The following ADGRL3 variants were observed in gnomAD, a reference collection of about 807,000 sequenced individuals.
The protein encoded by ADGRL3 is calcium-independent alpha-latrotoxin receptor 3.
A neutral mutation model predicts 153.5 loss-of-function variants in ADGRL3; 62 were observed. The observed-to-expected ratio is 0.40, with a 90% CI of 0.33 to 0.50. The LOEUF is 0.50. Among genes scored for constraint, ADGRL3 ranks in the 20% least tolerant of loss-of-function variants. The probability of loss-of-function intolerance (pLI) is 0.47; values close to 1 mark genes in which losing one functional copy is unlikely to be tolerated. For synonymous variants in ADGRL3, 710 were observed against 672.5 expected (o/e 1.06, Z -0.86); for missense variants, 1,641 against 1,859.4 (o/e 0.88, Z 2.16).
chr4:61,329,041 A>G (rs2095519729), intron 1 of ADGRL3, among the ~76,000 whole-genome samples: 1 of 152,188 alleles, frequency 6.6e-6, no homozygotes, highest in Non-Finnish European at 1.5e-5. Context: ...GATGTGTGCC[A>G]TAAGGAATTA....
chr4:61,442,861 C>G (rs1000427631), intron 2 of ADGRL3, among the ~76,000 whole-genome samples: 1 of 151,956 alleles, frequency 6.6e-6, no homozygotes, highest in Non-Finnish European at 1.5e-5. Context: ...ATAGTTTTTC[C>G]TTTCCAAGCA....
chr4:61,678,198 T>C lies in ADGRL3; in HGVS notation c.583+1263T>C, dbSNP rs557191333. Among the ~76,000 whole-genome samples the C allele has an allele frequency of 2.6e-5, 4 of 152,114 alleles. No homozygotes were observed. In the East Asian group the frequency reaches 7.7e-4, roughly 29 times the overall value. ...ATAAAATTTGTAAACCATCCTGGAATTGGGACAATTATACTTGGGTTGCAT... is the reference window on the plus strand; with the variant it reads ...ATAAAATTTGTAAACCATCCTGGAACTGGGACAATTATACTTGGGTTGCAT... On this transcript the variant is annotated intron_variant, in intron 6 of 26. Transcript: ENST00000683033.
Position 61,902,570 on chromosome 4 carries a change from A to G in ADGRL3, c.1887+6736A>G, listed in dbSNP as rs577855963. On this transcript the variant is annotated intron_variant, in intron 11 of 26. Transcript: ENST00000683033. Reference sequence around the variant, plus strand: ...AAATCTTCATCATGACTTCTAAACCAGAACTACTTACTCTTCTCCTTGCTC... The same window carrying G: ...AAATCTTCATCATGACTTCTAAACCGGAACTACTTACTCTTCTCCTTGCTC... Among the ~76,000 whole-genome samples the G allele has an allele frequency of 6.6e-5, 10 of 152,214 alleles. 1 individual carries two copies. The South Asian group carries it at 2.1e-3, about 32-fold the overall frequency.
intron 1 of ADGRL3, among the ~76,000 whole-genome samples, chr4:61,374,537 A>G (rs1431161909): frequency 6.6e-6 from 1 of 152,036 alleles, no homozygotes; most frequent in East Asian, 1.9e-4. Flanking sequence ...CATTTTTAAG[A>G]CCTCAGTACT....
chr4:62,000,035 G>A (rs370343532), intron 21 of ADGRL3, among the ~76,000 whole-genome samples: 1 of 151,760 alleles, frequency 6.6e-6, no homozygotes. Flanking sequence ...AATTAAATAG[G>A]CACATAAATT....
chr4:61,771,279 TG>T (rs1281853119), intron 8 of ADGRL3, among the ~76,000 whole-genome samples: 1 of 152,170 alleles, frequency 6.6e-6, no homozygotes, highest in African/African-American at 2.4e-5. Flanking sequence ...TAAATGCTTG[TG>T]GGGTGGGTTG....
rs551766462 is a variant in ADGRL3, at chr4:61,897,347, G to A, written c.1887+1513G>A. On this transcript the variant is annotated intron_variant, in intron 11 of 26. Coordinates refer to ENST00000683033, the MANE Select transcript of ADGRL3 (RefSeq NM_001387552.1). ...AAAAATTTATAAAATCTTAAAAAGT[G>A]TAACAAGAGGCTTTTGAGCATTCTG... is the stretch of plus-strand genomic sequence containing the variant. Among the ~76,000 whole-genome samples, 28 of 152,268 alleles carry A rather than the reference G, an allele frequency of 1.8e-4. No individual in the cohort carries two copies. The East Asian group carries it at 2.5e-3, about 14-fold the overall frequency.
chr4:61,400,977 C>T (rs2096923595), intron 2 of ADGRL3, among the ~76,000 whole-genome samples: 1 of 151,338 alleles, frequency 6.6e-6, no homozygotes, highest in Admixed American at 6.6e-5. Flanking sequence ...GCACCTTTTC[C>T]ATTTTTGAAT....
rs112061497 is a variant in ADGRL3, at chr4:61,388,722, G to A, written c.-174+5533G>A. On this transcript the variant is annotated intron_variant, in intron 2 of 26. Transcript: ENST00000683033. ...ACCTGTTCCATCTTCAACCTTCTCT[G>A]CTCTCCAGCTGCCCTGGCTTCATTG... 7.9e-5 allele frequency among the ~76,000 whole-genome samples: 12 copies of A among 152,246 alleles called. 1 individual carries two copies. Among genetic ancestry groups the A allele is most frequent in the African/African-American group, 2.6e-4 (11 of 41,554 alleles).
intron 9 of ADGRL3, among the ~76,000 whole-genome samples, chr4:61,837,179 G>T (rs1032293365): frequency 6.6e-5 from 10 of 152,106 alleles, no homozygotes; most frequent in African/African-American, 2.2e-4. Flanking sequence ...GTTGGTAAAA[G>T]ATATGTTAAA....
chr4:61,579,668 A>AT (rs1209883769), intron 4 of ADGRL3: 9 of 459,818 alleles, frequency 2.0e-5, no homozygotes, highest in Non-Finnish European at 3.4e-5. Context: ...ACTCATTAGA[A>AT]TTTTTTTCTA....
intron 8 of ADGRL3, among the ~76,000 whole-genome samples, chr4:61,757,203 T>A (rs2096845268): frequency 6.6e-6 from 1 of 152,194 alleles, no homozygotes; most frequent in African/African-American, 2.4e-5. Flanking sequence ...TGGTACCAGC[T>A]CCTCCTTGTT....
intron 4 of ADGRL3, among the ~76,000 whole-genome samples, chr4:61,541,869 A>ACG (rs2098691976): frequency 6.6e-6 from 1 of 151,566 alleles, no homozygotes; most frequent in Non-Finnish European, 1.5e-5. Context: ...ACACACACAC[A>ACG]CACACACTAG....
Position 62,074,227 on chromosome 4 carries a change from A to G in ADGRL3, c.*3319A>G, listed in dbSNP as rs1746476318. On this transcript the variant is annotated 3_prime_UTR_variant, in exon 27 of 27. Transcript: ENST00000683033. ...TAAATTTCCGTCAAACAGATGTAGT[A>G]TACCGCTATAATACAGCTTATTTAG... 6.6e-6 allele frequency: 1 copy of G among 152,156 alleles called. No homozygotes were observed. The highest frequency in any genetic ancestry group is 2.4e-5 in the African/African-American group (1 of 41,450). The allele number at this position is 152,156 out of a possible 1,614,324, so 9.4% of individuals were successfully genotyped here.
chr4:62,029,708 T>G (rs1433342774), intron 22 of ADGRL3, among the ~76,000 whole-genome samples: 2 of 150,582 alleles, frequency 1.3e-5, no homozygotes, highest in Non-Finnish European at 3.0e-5. Context: ...TTTGTTGTTT[T>G]TTTTTTTTTT....
intron 2 of ADGRL3, among the ~76,000 whole-genome samples, chr4:61,461,496 G>A (rs1560674289): frequency 6.6e-6 from 1 of 151,888 alleles, no homozygotes; most frequent in Non-Finnish European, 1.5e-5. Context: ...CTCTAAATAT[G>A]TACAATTATT....
chr4:61,947,975 A>G lies in ADGRL3; in HGVS notation c.2629-125A>G, dbSNP rs567037509. On this transcript the variant is annotated intron_variant, in intron 16 of 26. Coordinates refer to ENST00000683033, the MANE Select transcript of ADGRL3 (RefSeq NM_001387552.1). ...ATTGTTGAGGCCCACTTATGAAACCATTGGTAGACATCTCTAAAAAATTGG... is the reference window on the plus strand; with the variant it reads ...ATTGTTGAGGCCCACTTATGAAACCGTTGGTAGACATCTCTAAAAAATTGG... The G allele has an allele frequency of 1.3e-5, 9 of 700,748 alleles. No individual in the cohort carries two copies. The African/African-American group carries it at 1.6e-4, about 13-fold the overall frequency. The allele number at this position is 700,748 out of a possible 1,614,324, so 43.4% of individuals were successfully genotyped here.
intron 4 of ADGRL3, among the ~76,000 whole-genome samples, chr4:61,521,327 T>C (rs1430697257): frequency 1.3e-5 from 2 of 152,104 alleles, no homozygotes; most frequent in Admixed American, 6.5e-5. Flanking sequence ...GATTGAAACA[T>C]AGAAGTCCCA....
At chr4:61,684,845 A>G (rs1049430681) in intron 6 of ADGRL3, among the ~76,000 whole-genome samples, 1 of 152,078 alleles carries the variant, frequency 6.6e-6, no homozygotes, top group Non-Finnish European at 1.5e-5. Context: ...GGCTTCTGAA[A>G]GGTATTTAAA....
Sources: gnomAD v4.1 joint callset for allele counts (sites outside exome capture counted in the v4.1 genomes callset) on GRCh38, gnomAD v4.1.1 for gene constraint, MANE v1.5 for transcripts, NCBI Gene and HGNC (gene_info 2026-07-23, HGNC 2026-07-21) for gene names.